Variants in SEMA3C observed in about 807,000 individuals in gnomAD.
The protein encoded by SEMA3C is semaphorin-3C.
Under a neutral mutation model 89.4 loss-of-function variants are expected in SEMA3C, and 47 were observed. The ratio of observed to expected loss-of-function variants is 0.53; its 90% confidence interval spans 0.42 to 0.67. SEMA3C has a LOEUF of 0.67. Among genes scored for constraint, SEMA3C ranks in the 30% least tolerant of loss-of-function variants. SEMA3C has a pLI of 0.00. For missense variants in SEMA3C, 839 were observed against 929.1 expected, an observed-to-expected ratio of 0.90 and a Z score of 1.26; for synonymous variants, 310 against 320.2, an observed-to-expected ratio of 0.97 and a Z score of 0.34.
chr7:80,750,410 T>C (rs1419047045), intron 16 of SEMA3C, among the ~76,000 whole-genome samples: 1 of 133,798 alleles, frequency 7.5e-6, no homozygotes, highest in Non-Finnish European at 1.6e-5. Flanking sequence ...ATAAACAAAA[T>C]ATGGCTTACC....
At chr7:80,917,650 ATG>A (rs1792309465) in intron 1 of SEMA3C, among the ~76,000 whole-genome samples, 1 of 152,232 alleles carries the variant, frequency 6.6e-6, no homozygotes, top group Admixed American at 6.5e-5. Context: ...AGACCAGATA[ATG>A]TGTTACCATA....
intron 2 of SEMA3C, chr7:80,847,272 T>A (rs1042304405): frequency 6.6e-6 from 1 of 152,110 alleles, no homozygotes; most frequent in African/African-American, 2.4e-5. Flanking sequence ...CAGAGCAAAT[T>A]TGATGAAAGA....
At chr7:80,749,531 G>A (rs563431654) in intron 16 of SEMA3C, among the ~76,000 whole-genome samples, 2 of 152,274 alleles carry the variant, frequency 1.3e-5, no homozygotes, top group East Asian at 1.9e-4. Context: ...TGGCCTTGGT[G>A]GAATGTAGTG....
chr7:80,848,826 C>T (rs1790446797), intron 2 of SEMA3C, among the ~76,000 whole-genome samples: 1 of 152,114 alleles, frequency 6.6e-6, no homozygotes, highest in South Asian at 2.1e-4. Flanking sequence ...CTAGTCTTCT[C>T]AGTCTATGTT....
intron 2 of SEMA3C, among the ~76,000 whole-genome samples, chr7:80,882,933 A>G (rs2116108900): frequency 6.7e-6 from 1 of 150,120 alleles, no homozygotes; most frequent in South Asian, 2.1e-4. Context: ...ATTTACCTAA[A>G]CCCTCTTATA....
chr7:80,773,950 A>G (rs1015984534), intron 12 of SEMA3C, among the ~76,000 whole-genome samples: 6 of 152,218 alleles, frequency 3.9e-5, no homozygotes, highest in Non-Finnish European at 5.9e-5. Context: ...CCTCAGTCAG[A>G]TCTCATTAAC....
chr7:80,742,703 A>G lies in SEMA3C; in HGVS notation c.*2191T>C, dbSNP rs556320112. 2.0e-5 allele frequency: 3 copies of G among 152,092 alleles called. No homozygotes were observed. Among genetic ancestry groups the G allele is most frequent in the Non-Finnish European group, 2.9e-5 (2 of 67,846 alleles). The allele number at this position is 152,092 out of a possible 1,614,324, so 9.4% of individuals were successfully genotyped here. On this transcript the variant is annotated 3_prime_UTR_variant, in exon 18 of 18. Coordinates refer to ENST00000265361, the MANE Select transcript of SEMA3C (RefSeq NM_006379.5). ...TCTATTCACAAACTTACACTTTGGA[A>G]AAAAGTGTATTTCTAGAAAATTTTA... is the stretch of plus-strand genomic sequence containing the variant.
Position 80,886,440 on chromosome 7 carries a change from G to A in SEMA3C, c.103+30239C>T, listed in dbSNP as rs12670659. ...GTGATCTCAGCTCACTGCAACCTCC[G>A]CCTCCTGGGTTCAAGTGACTCTCCT... On this transcript the variant is annotated intron_variant, in intron 2 of 17. Transcript: ENST00000265361. 8.6e-4 allele frequency among the ~76,000 whole-genome samples: 130 copies of A among 150,648 alleles called. 1 individual carries two copies. The East Asian group carries it at 0.023, about 26-fold the overall frequency.
chr7:80,768,786 T>TTGTGTG (rs36046400), intron 12 of SEMA3C, among the ~76,000 whole-genome samples: 1 of 149,956 alleles, frequency 6.7e-6, no homozygotes, highest in African/African-American at 2.4e-5. Context: ...AGGGCAAGAT[T>TTGTGTG]TGTGTGTGTG....
chr7:80,758,314 G>T lies in SEMA3C; in HGVS notation c.1643+17C>A, dbSNP rs777931161. 2 of 1,600,852 alleles carry T rather than the reference G, an allele frequency of 1.2e-6. No individual in the cohort carries two copies. Among genetic ancestry groups the T allele is most frequent in the Non-Finnish European group, 1.7e-6 (2 of 1,173,328 alleles). Reference sequence around the variant, plus strand: ...GTGTCCTACATTTGGATGTTGAGCCGAGTGTTTAGTGCTCACCGTTTCCCA... The same window carrying T: ...GTGTCCTACATTTGGATGTTGAGCCTAGTGTTTAGTGCTCACCGTTTCCCA... On this transcript the variant is annotated intron_variant, in intron 15 of 17. Transcript: ENST00000265361.
intron 5 of SEMA3C, among the ~76,000 whole-genome samples, chr7:80,817,024 A>C (rs1472686802): frequency 2.0e-5 from 3 of 152,230 alleles, no homozygotes; most frequent in African/African-American, 7.2e-5. Flanking sequence ...CTAAGGCAGT[A>C]GTTTACTTAA....
chr7:80,784,669 CTG>C (rs1371330124), intron 12 of SEMA3C, among the ~76,000 whole-genome samples: 1 of 152,074 alleles, frequency 6.6e-6, no homozygotes, highest in Non-Finnish European at 1.5e-5. Context: ...TAAAAGGTCT[CTG>C]TGGCAACTAA....
At chr7:80,819,865 A>T (rs1049474579) in intron 4 of SEMA3C, among the ~76,000 whole-genome samples, 2 of 152,170 alleles carry the variant, frequency 1.3e-5, no homozygotes, top group African/African-American at 4.8e-5. Context: ...ACTATAATTC[A>T]ATCAAGCCTG....
chr7:80,912,281 T>G (rs1792171203), intron 2 of SEMA3C, among the ~76,000 whole-genome samples: 1 of 152,156 alleles, frequency 6.6e-6, no homozygotes. Flanking sequence ...AAATAAAATT[T>G]CCTCCCTCCA....
rs764094994 is a variant in SEMA3C at position 80,827,464 on chromosome 7, G to C, written c.288C>G (p.Ile96Met). Residue 96 changes from isoleucine to methionine, a missense_variant, in exon 4 of 18, where the codon ATC becomes ATG. Transcript: ENST00000265361. ...ALSVFWPASTIKVEECKMAGK... is the reference protein window; with the variant it reads ...ALSVFWPASTMKVEECKMAGK... Reference sequence around the variant, plus strand: ...CAGCCATTTTGCATTCTTCAACTTTGATTGTAGATGCTGGCCAGAAAACCT... The same window carrying C: ...CAGCCATTTTGCATTCTTCAACTTTCATTGTAGATGCTGGCCAGAAAACCT... 6.7e-7 allele frequency: 1 copy of C among 1,491,228 alleles called. No individual in the cohort carries two copies. 92.4% of individuals were successfully genotyped at this position (1,491,228 alleles called of 1,614,324 possible).
At chr7:80,904,969 C>T (rs777552851) in intron 2 of SEMA3C, among the ~76,000 whole-genome samples, 13 of 151,686 alleles carry the variant, frequency 8.6e-5, no homozygotes, top group African/African-American at 1.5e-4. Context: ...AGAATCTTAG[C>T]GCTAACTTTC....
intron 2 of SEMA3C, among the ~76,000 whole-genome samples, chr7:80,849,437 A>G (rs1448271028): frequency 6.6e-6 from 1 of 151,096 alleles, no homozygotes; most frequent in East Asian, 2.1e-4. Flanking sequence ...ATCAACTATA[A>G]GTTTCTTTTA....
upstream of SEMA3C, chr7:80,919,207 C>A (rs2116270954): frequency 3.0e-6 from 3 of 985,030 alleles, no homozygotes; most frequent in Middle Eastern, 5.2e-4. Flanking sequence ...AGGCCCCACC[C>A]CGAGCGCGCC....
At chr7:80,786,122 G>A (rs1268767846) in intron 12 of SEMA3C, among the ~76,000 whole-genome samples, 1 of 152,166 alleles carries the variant, frequency 6.6e-6, no homozygotes, top group African/African-American at 2.4e-5. Context: ...GGCTTTGTAA[G>A]CAATCATCAG....
Sources: gnomAD v4.1 joint callset for allele counts (sites outside exome capture counted in the v4.1 genomes callset) on GRCh38, gnomAD v4.1.1 for gene constraint, MANE v1.5 for transcripts, NCBI Gene and HGNC (gene_info 2026-07-23, HGNC 2026-07-21) for gene names.